MYO10: variants seen among roughly 807,000 people sequenced by gnomAD.
MYO10 encodes the protein myosin X, also known as unconventional myosin-X.
A neutral mutation model predicts 257.3 loss-of-function variants in MYO10; 133 were observed. The observed-to-expected ratio is 0.52, with a 90% confidence interval of 0.45 to 0.60. MYO10 has a LOEUF of 0.60. Ranked by LOEUF, MYO10 falls within the 20% of genes least tolerant of loss-of-function variation. The pLI is 0.00. For missense variants in MYO10, 2,399 were observed against 2,635.7 expected, an observed-to-expected ratio of 0.91 and a Z score of 1.97; for synonymous variants, 1,104 against 1,028.6, an observed-to-expected ratio of 1.07 and a Z score of -1.40.
intron 2 of MYO10, among the ~76,000 whole-genome samples, chr5:16,856,744 G>A (rs1743971485): frequency 6.6e-6 from 1 of 152,100 alleles, no homozygotes; most frequent in Non-Finnish European, 1.5e-5. Context: ...CAGCATGCAT[G>A]ATTTAGGGAT....
chr5:16,832,697 C>T (rs1180526128), intron 2 of MYO10, among the ~76,000 whole-genome samples: 2 of 152,112 alleles, frequency 1.3e-5, no homozygotes, highest in East Asian at 1.9e-4. Context: ...AGCCCAGATC[C>T]CTTCAGGTAA....
intron 2 of MYO10, among the ~76,000 whole-genome samples, chr5:16,851,650 CATTT>C (rs1428940947): frequency 1.3e-5 from 2 of 152,192 alleles, no homozygotes; most frequent in Non-Finnish European, 2.9e-5. Context: ...CATGGTTTCA[CATTT>C]ATTTGCCATG....
At chr5:16,717,980 C>T (rs1001065891) in intron 19 of MYO10, among the ~76,000 whole-genome samples, 4 of 152,200 alleles carry the variant, frequency 2.6e-5, no homozygotes, top group Admixed American at 6.5e-5. Context: ...ACCGGGGCTG[C>T]GTGCAGCGCT....
chr5:16,736,315 A>C (rs769016372), intron 19 of MYO10, among the ~76,000 whole-genome samples: 2 of 152,248 alleles, frequency 1.3e-5, no homozygotes, highest in African/African-American at 2.4e-5. Flanking sequence ...GCAGAGCCCC[A>C]GAGTTTATGT....
intron 4 of MYO10, among the ~76,000 whole-genome samples, chr5:16,788,782 G>C (rs777827840): frequency 6.6e-6 from 1 of 152,088 alleles, no homozygotes. Flanking sequence ...GCGCCATGGT[G>C]GGGGGCGTGG....
intron 22 of MYO10, among the ~76,000 whole-genome samples, chr5:16,703,446 A>G (rs560014027): frequency 4.1e-4 from 63 of 152,356 alleles, no homozygotes; most frequent in Middle Eastern, 3.4e-3. Flanking sequence ...AAAGTTGGGT[A>G]AATAGTTCCC....
chr5:16,723,302 G>A (rs947914334), intron 19 of MYO10, among the ~76,000 whole-genome samples: 7 of 152,028 alleles, frequency 4.6e-5, no homozygotes, highest in African/African-American at 1.4e-4. Context: ...GCAGGAGAAT[G>A]GCGTGAACCT....
At chr5:16,675,243 T>C in intron 34 of MYO10, 93 bp from the exon 35 acceptor site, 1 of 1,344,222 alleles carries the variant, frequency 7.4e-7, no homozygotes, top group South Asian at 1.2e-5. Flanking sequence ...AAGGAATAAA[T>C]GAGGAGGACG....
At chr5:16,731,775 C>T (rs544088931) in intron 19 of MYO10, among the ~76,000 whole-genome samples, 71 of 152,324 alleles carry the variant, frequency 4.7e-4, no homozygotes, top group African/African-American at 1.6e-3. Context: ...CAGGAGGTGA[C>T]GGAGGCCACC....
At chr5:16,759,060 T>TA (rs1334781004) in intron 17 of MYO10, among the ~76,000 whole-genome samples, 3 of 152,102 alleles carry the variant, frequency 2.0e-5, no homozygotes, top group African/African-American at 7.2e-5. Context: ...TAGCTGGGAT[T>TA]ATAGGCGCCT....
chr5:16,747,526 G>A (rs1442535644), intron 19 of MYO10, among the ~76,000 whole-genome samples: 1 of 152,192 alleles, frequency 6.6e-6, no homozygotes, highest in Non-Finnish European at 1.5e-5. Context: ...GCTGCACTTG[G>A]TCTTCTATAT....
chr5:16,794,823 C>G lies in MYO10; in HGVS notation c.290G>C (p.Gly97Ala). ...YKRNQIYTYI[G>A]SILASVNPYQ... ...GGGGTTCACGGAGGCCAGGATGGAG[C>G]CGATGTAGGTCTGCAAGCACAGAGT... is the stretch of plus-strand genomic sequence containing the variant. Residue 97 changes from glycine to alanine, a missense_variant, in exon 4 of 41, where the codon GGC becomes GCC. Physicochemically the swap from Gly to Ala is moderately conservative, Grantham distance 60. Transcript: ENST00000513610. 1 of 1,540,650 alleles carries G rather than the reference C, an allele frequency of 6.5e-7. No individual in the cohort carries two copies. The highest frequency in any genetic ancestry group is 8.8e-7 in the Non-Finnish European group (1 of 1,140,728).
chr5:16,915,933 G>A, intron 1 of MYO10: 1 of 422,958 alleles, frequency 2.4e-6, no homozygotes, highest in Non-Finnish European at 4.7e-6. Flanking sequence ...CTCCAGCCTG[G>A]GCGACAGAGC....
At chr5:16,828,541 A>C (rs961527071) in intron 2 of MYO10, among the ~76,000 whole-genome samples, 1 of 150,666 alleles carries the variant, frequency 6.6e-6, no homozygotes, top group African/African-American at 2.4e-5. Flanking sequence ...AATCACTTAA[A>C]CCGAGGAGGT....
chr5:16,886,217 C>T (rs1452656849), intron 1 of MYO10, among the ~76,000 whole-genome samples: 3 of 152,120 alleles, frequency 2.0e-5, no homozygotes, highest in African/African-American at 7.2e-5. Context: ...TCCACCCTGA[C>T]CAACTACAGA....
chr5:16,676,748 T>C (rs572768779), intron 33 of MYO10, among the ~76,000 whole-genome samples: 2 of 152,178 alleles, frequency 1.3e-5, no homozygotes, highest in Non-Finnish European at 2.9e-5. Flanking sequence ...CAGTGGCTCA[T>C]GCCTGTGCAT....
chr5:16,889,483 G>GAAGGA (rs1744985730), intron 1 of MYO10, among the ~76,000 whole-genome samples: 1 of 17,792 alleles, frequency 5.6e-5, no homozygotes, highest in South Asian at 1.6e-3. Context: ...AAGAAAGAAG[G>GAAGGA]AAGGAAGGAA....
chr5:16,796,442 C>CAAA (rs1741966820), intron 3 of MYO10, among the ~76,000 whole-genome samples: 1 of 120,764 alleles, frequency 8.3e-6, no homozygotes, highest in Non-Finnish European at 1.7e-5. Flanking sequence ...AAAAGAAAGA[C>CAAA]AGAAAGAAAG....
At chr5:16,831,915 C>A (rs1348280620) in intron 2 of MYO10, among the ~76,000 whole-genome samples, 1 of 151,994 alleles carries the variant, frequency 6.6e-6, no homozygotes, top group African/African-American at 2.4e-5. Flanking sequence ...TAATGTGTGG[C>A]AAGTTTATAG....
Sources: gnomAD v4.1 joint callset for allele counts (sites outside exome capture counted in the v4.1 genomes callset) on GRCh38, gnomAD v4.1.1 for gene constraint, MANE v1.5 for transcripts, NCBI Gene and HGNC (gene_info 2026-07-23, HGNC 2026-07-21) for gene names.